HPSE2: variants seen among roughly 807,000 people sequenced by gnomAD.
HPSE2 encodes inactive heparanase-2.
In HPSE2, 38 loss-of-function variants were observed where a neutral mutation model predicts 60.5. The ratio of observed to expected loss-of-function variants is 0.63; its 90% CI spans 0.48 to 0.82. HPSE2 has a LOEUF of 0.82. Ranked by LOEUF, HPSE2 falls within the 40% of genes least tolerant of loss-of-function variation. HPSE2 has a pLI of 0.00. For synonymous variants in HPSE2, 295 were observed against 293.2 expected (o/e 1.01, Z -0.06); for missense variants, 713 against 740.4 (o/e 0.96, Z 0.43).
intron 3 of HPSE2, among the ~76,000 whole-genome samples, chr10:98,952,314 T>TG (rs1955383534): frequency 3.5e-3 from 487 of 137,502 alleles, no homozygotes; most frequent in African/African-American, 0.011. Flanking sequence ...AAGAATTTGT[T>TG]TGTGTGTGTG....
intron 9 of HPSE2, among the ~76,000 whole-genome samples, chr10:98,549,147 C>A (rs1277960703): frequency 6.6e-6 from 1 of 152,070 alleles, no homozygotes; most frequent in East Asian, 1.9e-4. Context: ...AATCGAATTA[C>A]CTGGAATTAA....
In HPSE2 at chr10:99,126,549, TACA is replaced by T. The variant is rs1845171339; in HGVS notation, c.610+17686_610+17688del. Among the ~76,000 whole-genome samples the T allele has an allele frequency of 6.6e-6, 1 of 152,070 alleles. No individual in the cohort carries two copies. The highest frequency in any genetic ancestry group is 1.5e-5 in the Non-Finnish European group (1 of 67,996). ...CTGGAGGTCAACCAACTCAGGCCATTACAACAACTCATGACAGAATAACCCTGC... is the reference window on the plus strand; with the variant it reads ...CTGGAGGTCAACCAACTCAGGCCATTACAACTCATGACAGAATAACCCTGC... On this transcript the variant is annotated intron_variant, in intron 3 of 11. Coordinates refer to ENST00000370552, the MANE Select transcript of HPSE2 (RefSeq NM_021828.5). The surrounding 1 kb of genome is among the most constrained non-coding windows in gnomAD (Gnocchi z 4.0).
intron 2 of HPSE2, among the ~76,000 whole-genome samples, chr10:99,206,657 A>G (rs1183940482): frequency 6.6e-6 from 1 of 152,126 alleles, no homozygotes; most frequent in East Asian, 1.9e-4. Context: ...AAAAAGAAAC[A>G]AATGAAATCT....
intron 3 of HPSE2, among the ~76,000 whole-genome samples, chr10:98,798,556 G>T (rs1950832925): frequency 6.6e-6 from 1 of 152,126 alleles, no homozygotes; most frequent in East Asian, 1.9e-4. Context: ...GACATAAAGA[G>T]AAACAACAAA....
intron 2 of HPSE2, among the ~76,000 whole-genome samples, chr10:99,164,453 G>C (rs1183968734): frequency 2.0e-5 from 3 of 150,730 alleles, no homozygotes; most frequent in African/African-American, 7.3e-5. Flanking sequence ...AAATGTCCCA[G>C]TCTCATCTTG....
intron 3 of HPSE2, among the ~76,000 whole-genome samples, chr10:98,802,256 C>G (rs902023937): frequency 6.6e-6 from 1 of 151,666 alleles, no homozygotes; most frequent in Non-Finnish European, 1.5e-5. Context: ...CTCTCCAGGA[C>G]AGTGGACTAG....
intron 2 of HPSE2, among the ~76,000 whole-genome samples, chr10:99,163,850 G>T (rs1317918799): frequency 6.6e-6 from 1 of 151,748 alleles, no homozygotes; most frequent in Non-Finnish European, 1.5e-5. Context: ...GCTGACAGAA[G>T]TTTCTTTATA....
chr10:98,782,879 A>C, intron 3 of HPSE2, among the ~76,000 whole-genome samples: 1 of 133,816 alleles, frequency 7.5e-6, no homozygotes, highest in South Asian at 2.7e-4. Context: ...AGTTAGAATA[A>C]TGGGTTGAGT....
intron 3 of HPSE2, among the ~76,000 whole-genome samples, chr10:98,938,762 CA>C (rs1308347527): frequency 7.0e-6 from 1 of 143,262 alleles, no homozygotes; most frequent in African/African-American, 2.9e-5. Flanking sequence ...TCAAGAAGAG[CA>C]ACCCCAAGAC....
At chr10:99,136,653 C>T (rs1459347276) in intron 3 of HPSE2, among the ~76,000 whole-genome samples, 1 of 152,134 alleles carries the variant, frequency 6.6e-6, no homozygotes, top group Non-Finnish European at 1.5e-5. Context: ...ATGATTATCT[C>T]AATAGATGCA....
intron 2 of HPSE2, among the ~76,000 whole-genome samples, chr10:99,190,652 G>C (rs1276367591): frequency 2.0e-5 from 3 of 152,144 alleles, no homozygotes; most frequent in African/African-American, 7.2e-5. Flanking sequence ...AGAGCAAGAT[G>C]GCCAAATAGA....
chr10:98,541,879 C>T (rs2133825556), intron 9 of HPSE2, among the ~76,000 whole-genome samples: 1 of 152,350 alleles, frequency 6.6e-6, no homozygotes, highest in South Asian at 2.1e-4. Context: ...TAGGCTCCAT[C>T]TCTGGGGGCA....
intron 3 of HPSE2, among the ~76,000 whole-genome samples, chr10:99,074,209 T>C (rs930260758): frequency 6.6e-6 from 1 of 152,140 alleles, no homozygotes; most frequent in Non-Finnish European, 1.5e-5. Context: ...ATATGGCCAT[T>C]ATGTTGAGGT....
chr10:99,088,228 G>T (rs1239555787), intron 3 of HPSE2, among the ~76,000 whole-genome samples: 2 of 151,968 alleles, frequency 1.3e-5, no homozygotes, highest in Non-Finnish European at 2.9e-5. Context: ...TATTTCAATA[G>T]GTTTTGGGGA....
intron 3 of HPSE2, among the ~76,000 whole-genome samples, chr10:99,095,279 TA>T (rs1350050870): frequency 9.3e-5 from 14 of 151,212 alleles, no homozygotes; most frequent in Admixed American, 9.0e-4. Context: ...TATCTATTAG[TA>T]TTCAGCATGG....
rs141140754 is a variant in HPSE2, at chr10:98,714,224, A to G, written c.956+7433T>C. ...AACGCTTTTTGGAAATATAATTTAC[A>G]TATCATACAATTCACTCAGAGAAGT... On this transcript the variant is annotated intron_variant, in intron 5 of 11. Transcript: ENST00000370552. Among the ~76,000 whole-genome samples, 9 of 152,050 alleles carry G rather than the reference A, an allele frequency of 5.9e-5. No individual in the cohort carries two copies. The East Asian group carries it at 1.7e-3, about 29-fold the overall frequency.
intron 3 of HPSE2, among the ~76,000 whole-genome samples, chr10:99,014,671 G>A (rs997225887): frequency 8.6e-5 from 13 of 151,828 alleles, no homozygotes; most frequent in African/African-American, 2.7e-4. Context: ...ATGGTATCTC[G>A]TGGTTTTGAT....
At chr10:98,596,792 T>A (rs1945251571) in intron 9 of HPSE2, among the ~76,000 whole-genome samples, 1 of 152,214 alleles carries the variant, frequency 6.6e-6, no homozygotes. Context: ...ACTTTTTGTC[T>A]TTGATTTTTG....
At chr10:98,963,432 C>T (rs1204745435) in intron 3 of HPSE2, among the ~76,000 whole-genome samples, 1 of 151,992 alleles carries the variant, frequency 6.6e-6, no homozygotes, top group Non-Finnish European at 1.5e-5. Context: ...TCATTAGTAC[C>T]TCTCCAATAG....
Sources: gnomAD v4.1 joint callset for allele counts (sites outside exome capture counted in the v4.1 genomes callset) on GRCh38, gnomAD v4.1.1 for gene constraint, Gnocchi (gnomAD v3.1) non-coding constraint, MANE v1.5 for transcripts, NCBI Gene and HGNC (gene_info 2026-07-23, HGNC 2026-07-21) for gene names.